Variants in RBFOX3 observed in about 807,000 individuals in gnomAD.
RBFOX3 encodes the protein RNA binding protein fox-1 homolog 3.
Under a neutral mutation model 48.7 loss-of-function variants are expected in RBFOX3, and 17 were observed. The observed-to-expected ratio is 0.35, with a 90% confidence interval of 0.24 to 0.52. The LOEUF (loss-of-function observed/expected upper bound fraction) is 0.52. Among genes scored for constraint, RBFOX3 ranks in the 20% least tolerant of loss-of-function variants. RBFOX3 has a pLI of 0.94. For synonymous variants in RBFOX3, 212 were observed against 209.5 expected (o/e 1.01, Z -0.10); for missense variants, 382 against 497.5 (o/e 0.77, Z 2.21).
At chr17:79,593,971 C>T (rs1568440847) in intron 1 of RBFOX3, among the ~76,000 whole-genome samples, 1 of 152,178 alleles carries the variant, frequency 6.6e-6, no homozygotes, top group African/African-American at 2.4e-5. Flanking sequence ...CAGTCAAACT[C>T]GCTCTCCTCC....
At chr17:79,510,075 G>A (rs2083875802) in intron 1 of RBFOX3, among the ~76,000 whole-genome samples, 1 of 152,284 alleles carries the variant, frequency 6.6e-6, no homozygotes, top group South Asian at 2.1e-4. Context: ...GTGGCGGCGT[G>A]AATGGCCTCA....
At chr17:79,344,495 A>AATC (rs1262231676) in intron 2 of RBFOX3, among the ~76,000 whole-genome samples, 10 of 152,026 alleles carry the variant, frequency 6.6e-5, no homozygotes, top group Non-Finnish European at 2.9e-5. Context: ...TGGGCTTCTC[A>AATC]ATCATTTTCC....
chr17:79,171,512 A>C (rs930118438), intron 4 of RBFOX3, among the ~76,000 whole-genome samples: 8 of 152,228 alleles, frequency 5.3e-5, no homozygotes, highest in Admixed American at 3.9e-4. Context: ...GTGTTCCAAT[A>C]AAACTTTTAA....
In RBFOX3 at chr17:79,157,659, C is replaced by T. The variant is rs75962271; in HGVS notation, c.-33-41911G>A. Among the ~76,000 whole-genome samples, 1,232 of 152,288 alleles carry T rather than the reference C, an allele frequency of 8.1e-3. 15 individuals carry two copies. Among genetic ancestry groups the T allele is most frequent in the African/African-American group, 0.028 (1,171 of 41,556 alleles). On this transcript the variant is annotated intron_variant, in intron 4 of 14. Transcript: ENST00000693108. ...GCTCCTCTCCTTGTCCCAGGAGAGC[C>T]AGCTCTGCCGGGGGACAGAGGCCAG...
intron 2 of RBFOX3, among the ~76,000 whole-genome samples, chr17:79,325,192 C>T (rs1360844745): frequency 1.3e-5 from 2 of 152,206 alleles, no homozygotes; most frequent in Non-Finnish European, 2.9e-5. Context: ...AGCCAAAGGA[C>T]AAATGGTGGC....
chr17:79,102,865 C>T lies in RBFOX3; in HGVS notation c.507+297G>A, dbSNP rs2076699029. Among the ~76,000 whole-genome samples, 3 of 152,174 alleles carry T rather than the reference C, an allele frequency of 2.0e-5. No homozygotes were observed. In the South Asian group the frequency reaches 6.2e-4, roughly 31 times the overall value. On this transcript the variant is annotated intron_variant, in intron 8 of 14. Coordinates refer to ENST00000693108, the MANE Select transcript of RBFOX3 (RefSeq NM_001350451.2). ...CATGGTCCTTGAAGCTGCCAAGCCCCAAATACAGGATTTCTGGGGCTCCTC... is the reference window on the plus strand; with the variant it reads ...CATGGTCCTTGAAGCTGCCAAGCCCTAAATACAGGATTTCTGGGGCTCCTC...
chr17:79,415,860 G>A (rs1047845871), intron 2 of RBFOX3, among the ~76,000 whole-genome samples: 1 of 152,148 alleles, frequency 6.6e-6, no homozygotes, highest in Non-Finnish European at 1.5e-5. Flanking sequence ...AGGGACTGCA[G>A]GGGTCTCTGA....
At position 79,177,837 on chromosome 17, in the gene RBFOX3, A is replaced by G. The variant is rs117618831; in HGVS notation, c.-34+57929T>C. ...GACCTGAAAAATCCTACCACCCTCA[A>G]TCAAGCGCAGAGTTAGCTGCTCCCC... On this transcript the variant is annotated intron_variant, in intron 4 of 14. Coordinates refer to ENST00000693108, the MANE Select transcript of RBFOX3 (RefSeq NM_001350451.2). Among the ~76,000 whole-genome samples, 118 of 152,206 alleles carry G rather than the reference A, an allele frequency of 7.8e-4. 1 individual carries two copies. The highest frequency in any genetic ancestry group is 2.7e-3 in the African/African-American group (111 of 41,536).
chr17:79,469,351 G>A (rs1170058228), intron 2 of RBFOX3, among the ~76,000 whole-genome samples: 1 of 152,186 alleles, frequency 6.6e-6, no homozygotes, highest in African/African-American at 2.4e-5. Flanking sequence ...GGGGCCCCTT[G>A]GCCGCCCATG....
chr17:79,641,344 T>G, the RBFOX3 span, among the ~76,000 whole-genome samples: 2 of 152,146 alleles, frequency 1.3e-5, no homozygotes, highest in Non-Finnish European at 2.9e-5. Context: ...CCTTGTACAT[T>G]GTTGGTAGAA....
intron 1 of RBFOX3, among the ~76,000 whole-genome samples, chr17:79,514,650 G>A (rs2084990531): frequency 6.6e-6 from 1 of 152,198 alleles, no homozygotes; most frequent in Non-Finnish European, 1.5e-5. Flanking sequence ...GTGTCCCTCA[G>A]CAACACCACA....
chr17:79,647,138 G>A, the RBFOX3 span, among the ~76,000 whole-genome samples: 1 of 152,010 alleles, frequency 6.6e-6, no homozygotes, highest in South Asian at 2.1e-4. Flanking sequence ...TGGCTGAGCT[G>A]TAGCCCTGAT....
chr17:79,169,506 C>T (rs940925335), intron 4 of RBFOX3, among the ~76,000 whole-genome samples: 1 of 152,192 alleles, frequency 6.6e-6, no homozygotes, highest in Non-Finnish European at 1.5e-5. Context: ...CCCAGGACCC[C>T]GCCTGCCTCC....
At chr17:79,106,957 G>A (rs2146672786) in intron 5 of RBFOX3, among the ~76,000 whole-genome samples, 169 bp from the exon 6 acceptor site, 1 of 152,266 alleles carries the variant, frequency 6.6e-6, no homozygotes, top group Admixed American at 6.5e-5. Flanking sequence ...CGGTTCCCAT[G>A]AGATACAGCA....
chr17:79,596,503 C>T (rs2093573180), intron 1 of RBFOX3, among the ~76,000 whole-genome samples: 1 of 152,150 alleles, frequency 6.6e-6, no homozygotes, highest in East Asian at 1.9e-4. Flanking sequence ...AACCAAGGCA[C>T]GGAAACCCAC....
At chr17:79,504,527 G>C (rs1190182483) in intron 1 of RBFOX3, among the ~76,000 whole-genome samples, 1 of 152,190 alleles carries the variant, frequency 6.6e-6, no homozygotes, top group Non-Finnish European at 1.5e-5. Context: ...CCCTCCAGAG[G>C]CTCCAGGAGA....
the RBFOX3 span, among the ~76,000 whole-genome samples, chr17:79,634,516 G>A: frequency 0.051 from 7,833 of 152,198 alleles, 370 homozygotes; most frequent in African/African-American, 0.12. Context: ...CCAGAACCCC[G>A]GCGTTCCCAT....
intron 2 of RBFOX3, among the ~76,000 whole-genome samples, chr17:79,326,434 G>A (rs762119948): frequency 6.6e-6 from 1 of 152,230 alleles, no homozygotes; most frequent in Non-Finnish European, 1.5e-5. Context: ...GATGTGCACA[G>A]GGGAAGGGAA....
At chr17:79,635,648 A>C in the RBFOX3 span, among the ~76,000 whole-genome samples, 1 of 152,222 alleles carries the variant, frequency 6.6e-6, no homozygotes, top group Non-Finnish European at 1.5e-5. Flanking sequence ...ACTATAAACA[A>C]AGTTAAAAGA....
Sources: allele counts gnomAD v4.1 joint callset (sites outside exome capture counted in the v4.1 genomes callset), GRCh38; gene constraint gnomAD v4.1.1; transcripts MANE v1.5; gene names NCBI Gene and HGNC (gene_info 2026-07-23, HGNC 2026-07-21).